Variants in ADAMTS1 observed in about 807,000 individuals in gnomAD.
ADAMTS1 encodes ADAM metallopeptidase with thrombospondin type 1 motif 1.
ADAMTS1 carries 19 observed loss-of-function variants against 87.9 expected under a neutral mutation model. That is an observed-to-expected ratio of 0.22 (90% CI 0.15 to 0.32). The LOEUF (loss-of-function observed/expected upper bound fraction) is 0.32. Ranked by LOEUF, ADAMTS1 falls within the 10% of genes least tolerant of loss-of-function variation. ADAMTS1 has a pLI of 1.00. For missense variants in ADAMTS1, 1,240 were observed against 1,259.1 expected, an observed-to-expected ratio of 0.98 and a Z score of 0.23; for synonymous variants, 542 against 501.8, an observed-to-expected ratio of 1.08 and a Z score of -1.07.
In ADAMTS1 at chr21:26,844,703, C is replaced by A. The variant is rs1172893388; in HGVS notation, c.252G>T (p.Gln84His). 6.3e-7 allele frequency: 1 copy of A among 1,592,392 alleles called. No homozygotes were observed. Among genetic ancestry groups the A allele is most frequent in the East Asian group, 2.3e-5 (1 of 44,122 alleles). Reference sequence around the variant, plus strand: ...TGTCGGGCCGCAGCTCCAGATCCAGCTGCTGGTCAAAGGCGTGCAGGCGGA... The same window carrying A: ...TGTCGGGCCGCAGCTCCAGATCCAGATGCTGGTCAAAGGCGTGCAGGCGGA... Reference protein sequence around the residue: ...TRLRLHAFDQQLDLELRPDSS... With the variant: ...TRLRLHAFDQHLDLELRPDSS... Residue 84 changes from glutamine (Q) to histidine (H), a missense_variant, in exon 1 of 9, where the codon CAG becomes CAT. Gln to His is a conservative substitution (Grantham distance 24, BLOSUM62 0). Around this residue, in one of 3 missense-constraint regions of ADAMTS1, gnomAD observed 521 missense variants for 449.7 expected, o/e 1.16. Transcript: ENST00000284984.
At chr21:26,844,164 G>A (rs1448304316) in intron 1 of ADAMTS1, 61 bp downstream of exon 1, 2 of 1,503,796 alleles carry the variant, frequency 1.3e-6, no homozygotes, top group Admixed American at 2.3e-5. Flanking sequence ...GAAGTCGCGT[G>A]GGATAGATAA....
At chr21:26,844,133 C>G in intron 1 of ADAMTS1, 92 bp downstream of exon 1, 1 of 1,437,096 alleles carries the variant, frequency 7.0e-7, no homozygotes, top group Non-Finnish European at 9.2e-7. Flanking sequence ...ATGATCCTGC[C>G]TGCCAGCAGG....
rs569213625 is a variant in ADAMTS1, at chr21:26,839,304, G to A, written c.2028+283C>T. ...TATGAGCTGTATGTGAAGCCTAGTCGCACAGAGGAGCGCTTGACTGTCCAA... is the reference window on the plus strand; with the variant it reads ...TATGAGCTGTATGTGAAGCCTAGTCACACAGAGGAGCGCTTGACTGTCCAA... On this transcript the variant is annotated intron_variant, in intron 7 of 8. Transcript: ENST00000284984. 16 of 256,404 alleles carry A rather than the reference G, an allele frequency of 6.2e-5. No homozygotes were observed. In the South Asian group the frequency reaches 6.3e-4, roughly 10 times the overall value. 15.9% of individuals were successfully genotyped at this position (256,404 alleles called of 1,614,324 possible). A position where few individuals can be genotyped will look rare whatever the true frequency, so the allele number is the denominator to read the frequency against.
intron 7 of ADAMTS1, 165 bp downstream of exon 7, chr21:26,839,422 A>T (rs1985443786): frequency 1.6e-6 from 1 of 622,588 alleles, no homozygotes; most frequent in South Asian, 2.6e-5. Flanking sequence ...GAAAACACTA[A>T]ACTCAAAGCA....
chr21:26,837,651 A>AGAT lies in ADAMTS1; in HGVS notation c.2829_2831dup (p.Ser944dup). On this transcript the variant is annotated inframe_insertion, in exon 9 of 9. Transcript: ENST00000284984. ...TCTTTAAAGGATCACAGCTCTCATG[A>AGAT]GATAACACCCCTCCATCATGGGACA... is the stretch of plus-strand genomic sequence containing the variant. 6.2e-7 allele frequency: 1 copy of AGAT among 1,614,182 alleles called. No individual in the cohort carries two copies. Among genetic ancestry groups the AGAT allele is most frequent in the Non-Finnish European group, 8.5e-7 (1 of 1,180,032 alleles).
rs367544305 is a variant in ADAMTS1 at position 26,840,320 on chromosome 21, T to C, written c.1621A>G (p.Ile541Val). ...GTTTTGTTCACACACTTGCCGTTGA[T>C]ACACCATTTCCCTTCTCCACAGCTG... Reference protein sequence around the residue: ...GTSCGEGKWCINGKCVNKTDR... With the variant: ...GTSCGEGKWCVNGKCVNKTDR... Residue 541 changes from isoleucine (I) to valine (V), a missense_variant, in exon 5 of 9, where the codon ATC becomes GTC. Ile to Val is a conservative substitution (Grantham distance 29, BLOSUM62 3). Transcript: ENST00000284984. 4.3e-6 allele frequency: 7 copies of C among 1,614,240 alleles called. No homozygotes were observed. The highest frequency in any genetic ancestry group is 1.7e-5 in the Admixed American group (1 of 60,030).
Position 26,844,338 on chromosome 21 carries a change from C to A in ADAMTS1, c.617G>T (p.Arg206Leu). 1 of 1,605,334 alleles carries A rather than the reference C, an allele frequency of 6.2e-7. No homozygotes were observed. The highest frequency in any genetic ancestry group is 8.5e-7 in the Non-Finnish European group (1 of 1,177,772). Residue 206 changes from arginine (R) to leucine (L), a missense_variant, in exon 1 of 9, where the codon CGG becomes CTG. Physicochemically the swap from Arg to Leu is moderately radical, Grantham distance 102 (BLOSUM62 -2). This residue lies in a region of ADAMTS1 where 521 missense variants were observed against 449.7 expected (regional missense o/e 1.16). Coordinates refer to ENST00000284984, the MANE Select transcript of ADAMTS1 (RefSeq NM_006988.5). ...GTCGVVDDEP[R>L]PTGKAETEDE... Reference sequence around the variant, plus strand: ...TTCGGTCTCCGCTTTCCCAGTCGGCCGGGGCTCGTCGTCCACGACCCCGCA... The same window carrying A: ...TTCGGTCTCCGCTTTCCCAGTCGGCAGGGGCTCGTCGTCCACGACCCCGCA...
chr21:26,844,477 G>A lies in ADAMTS1; in HGVS notation c.478C>T (p.Pro160Ser). The change falls in exon 1 of 9, where the codon CCG (proline) becomes TCG (serine). Residue 160 changes from proline to serine, a missense_variant. Physicochemically the swap from Pro to Ser is moderately conservative, Grantham distance 74. This residue lies in a region of ADAMTS1 where 521 missense variants were observed against 449.7 expected (regional missense o/e 1.16). Coordinates refer to ENST00000284984, the MANE Select transcript of ADAMTS1 (RefSeq NM_006988.5). ...YLLGEAYFIQ[P>S]LPAASERLAT... ...AGGCGCTCGCTGGCGGCGGGCAGCGGCTGGATGAAATACGCCTCCCCCAGC... is the reference window on the plus strand; with the variant it reads ...AGGCGCTCGCTGGCGGCGGGCAGCGACTGGATGAAATACGCCTCCCCCAGC... 1 of 1,587,930 alleles carries A rather than the reference G, an allele frequency of 6.3e-7. No individual in the cohort carries two copies. Among genetic ancestry groups the A allele is most frequent in the African/African-American group, 1.3e-5 (1 of 74,400 alleles).
At position 26,844,214 on chromosome 21, in the gene ADAMTS1, A is replaced by G. The variant is rs1163208864; in HGVS notation, c.730+11T>C. The G allele has an allele frequency of 5.2e-6, 8 of 1,529,996 alleles. No homozygotes were observed. Among genetic ancestry groups the G allele is most frequent in the Admixed American group, 2.1e-5 (1 of 46,522 alleles). The allele number at this position is 1,529,996 out of a possible 1,614,324, so 94.8% of individuals were successfully genotyped here. ...GATGAATGGACAGACAAACGAGAGC[A>G]ATTCTTCTACCTGTGGGCTGTCCTA... is the stretch of plus-strand genomic sequence containing the variant. On this transcript the variant is annotated intron_variant, in intron 1 of 8. Coordinates refer to ENST00000284984, the MANE Select transcript of ADAMTS1 (RefSeq NM_006988.5).
chr21:26,844,773 A>G lies in ADAMTS1; in HGVS notation c.182T>C (p.Val61Ala), dbSNP rs1481487972. The G allele has an allele frequency of 1.3e-6, 2 of 1,551,110 alleles. No homozygotes were observed. The highest frequency in any genetic ancestry group is 2.7e-5 in the African/African-American group (2 of 73,644). Residue 61 changes from valine (V) to alanine (A), a missense_variant, in exon 1 of 9, where the codon GTG (valine) becomes GCG (alanine). Transcript: ENST00000284984. ...GRPSEEDEELVVPELERAPGH... is the reference protein window; with the variant it reads ...GRPSEEDEELAVPELERAPGH... ...CGGGGCGCGCTCCAGCTCCGGCACC[A>G]CTAGCTCCTCGTCCTCCTCGGAGGG...
chr21:26,840,595 G>C, intron 4 of ADAMTS1, 33 bp from the exon 5 acceptor site: 1 of 1,600,610 alleles, frequency 6.2e-7, no homozygotes, highest in Non-Finnish European at 8.5e-7. Flanking sequence ...TATCAATACA[G>C]AGTTAGTGAG....
Position 26,844,419 on chromosome 21 carries a change from G to A in ADAMTS1, c.536C>T (p.Ala179Val), listed in dbSNP as rs1285748183. The change falls in exon 1 of 9, where the codon GCA becomes GTA. Residue 179 changes from alanine to valine, a missense_variant. By Grantham distance (64) the Ala-to-Val change is moderately conservative. Transcript: ENST00000284984. ...ATAAPGEKPP[A>V]PLQFHLLRRN... ...CCGCAGGAGGTGGAACTGTAGTGGT[G>A]CCGGCGGCTTCTCCCCTGGGGCGGC... 1.3e-6 allele frequency: 2 copies of A among 1,589,102 alleles called. No individual in the cohort carries two copies. The highest frequency in any genetic ancestry group is 3.5e-5 in the Admixed American group (2 of 57,900).
At chr21:26,841,228 C>A in intron 3 of ADAMTS1, 63 bp from the exon 4 acceptor site, 1 of 1,567,760 alleles carries the variant, frequency 6.4e-7, no homozygotes, top group East Asian at 2.3e-5. Flanking sequence ...TGGCTCACAC[C>A]TGTAATTCCA....
rs1349347626 is a variant in ADAMTS1, at chr21:26,837,954, CTTT to C, written c.2526_2528del (p.Lys846del). ...TAGCATTGAAAGATTCCTTCTTCTT[CTTT>C]ACGAAGTAGGTGTATTTAATTTTAG... On this transcript the variant is annotated inframe_deletion, in exon 9 of 9. Coordinates refer to ENST00000284984, the MANE Select transcript of ADAMTS1 (RefSeq NM_006988.5). 6.2e-7 allele frequency: 1 copy of C among 1,614,200 alleles called. No individual in the cohort carries two copies. The highest frequency in any genetic ancestry group is 1.1e-5 in the South Asian group (1 of 91,084).
intron 8 of ADAMTS1, 28 bp downstream of exon 8, chr21:26,838,411 G>T (rs964010286): frequency 1.2e-6 from 2 of 1,612,522 alleles, no homozygotes; most frequent in East Asian, 2.2e-5. Context: ...AAATTATAAG[G>T]TCTGCAAATA....
chr21:26,839,363 G>A (rs921171873), intron 7 of ADAMTS1: 9 of 437,738 alleles, frequency 2.1e-5, no homozygotes, highest in African/African-American at 6.0e-5. Flanking sequence ...GAGTAATAGC[G>A]AGCAATTGCA....
In ADAMTS1 at chr21:26,837,492, C is replaced by G. The variant is rs907475551; in HGVS notation, c.*87G>C. 22 of 1,171,756 alleles carry G rather than the reference C, an allele frequency of 1.9e-5. No individual in the cohort carries two copies. In the East Asian group the frequency reaches 4.5e-4, roughly 24 times the overall value. The allele number at this position is 1,171,756 out of a possible 1,614,324, so 72.6% of individuals were successfully genotyped here. ...CACCTCACTGGTTACTGGCAAGATA[C>G]GCTGGATCCCTCCAGCCTTCTTGCT... On this transcript the variant is annotated 3_prime_UTR_variant, in exon 9 of 9. Transcript: ENST00000284984.
chr21:26,843,595 G>T (rs1985542400), intron 1 of ADAMTS1: 1 of 463,826 alleles, frequency 2.2e-6, no homozygotes, highest in Non-Finnish European at 4.5e-6. Context: ...AGTGCAAACT[G>T]GGAGGCGGGG....
At position 26,837,414 on chromosome 21, in the gene ADAMTS1, T is replaced by TC; in HGVS notation, c.*164dup. ...ATCAAATTTGCAACTGGCAGTTTAC[T>TC]CTGATGATTCAACTCCTTTTCTATC... On this transcript the variant is annotated 3_prime_UTR_variant, in exon 9 of 9. Transcript: ENST00000284984. 1 of 632,308 alleles carries TC rather than the reference T, an allele frequency of 1.6e-6. No individual in the cohort carries two copies. Among genetic ancestry groups the TC allele is most frequent in the Non-Finnish European group, 2.7e-6 (1 of 366,084 alleles). 39.2% of individuals were successfully genotyped at this position (632,308 alleles called of 1,614,324 possible). A position where few individuals can be genotyped will look rare whatever the true frequency, so the allele number is the denominator to read the frequency against.
Sources: gnomAD v4.1 joint callset for allele counts on GRCh38, gnomAD v4.1.1 for gene constraint, gnomAD v4.1.1 regional missense constraint, MANE v1.5 for transcripts, NCBI Gene and HGNC (gene_info 2026-07-23, HGNC 2026-07-21) for gene names.